Variants in ZHX2 observed in about 807,000 individuals in gnomAD.
ZHX2 encodes zinc fingers and homeoboxes protein 2.
Under a neutral mutation model 21.9 loss-of-function variants are expected in ZHX2, and 6 were observed. That is an observed-to-expected ratio of 0.27 (90% CI 0.15 to 0.54). The LOEUF is 0.54. ZHX2 is among the 20% of genes least tolerant of loss of function. ZHX2 has a pLI of 0.95. For missense variants in ZHX2, 908 were observed against 1,090.7 expected (o/e 0.83, Z 2.36); for synonymous variants, 434 against 437.1 (o/e 0.99, Z 0.09).
At chr8:122,833,870 G>A (rs1454854142) in intron 1 of ZHX2, among the ~76,000 whole-genome samples, 1 of 152,036 alleles carries the variant, frequency 6.6e-6, no homozygotes, top group East Asian at 1.9e-4. Context: ...GGTGGTGGGC[G>A]CCTGTAGTCC....
At chr8:122,829,968 T>C (rs889389289) in intron 1 of ZHX2, among the ~76,000 whole-genome samples, 2 of 152,196 alleles carry the variant, frequency 1.3e-5, no homozygotes, top group African/African-American at 4.8e-5. Flanking sequence ...GGAAGCATGT[T>C]AAGTTTTCAA....
chr8:122,904,088 G>A (rs934138707), intron 2 of ZHX2, among the ~76,000 whole-genome samples: 4 of 152,078 alleles, frequency 2.6e-5, no homozygotes, highest in African/African-American at 9.7e-5. Flanking sequence ...TGTTTGGCTT[G>A]GTTCGTTTTG....
intron 1 of ZHX2, among the ~76,000 whole-genome samples, chr8:122,843,506 T>C (rs1258291838): frequency 1.1e-4 from 16 of 152,232 alleles, no homozygotes; most frequent in African/African-American, 3.9e-4. Flanking sequence ...TAGTGGCCTT[T>C]GGCCCCCACC....
intron 3 of ZHX2, among the ~76,000 whole-genome samples, chr8:122,956,140 C>G (rs79623445): frequency 0.032 from 4,823 of 152,228 alleles, 110 homozygotes; most frequent in Admixed American, 0.072. Flanking sequence ...CCACCACGCC[C>G]GACCTCCCAT....
At chr8:122,786,659 T>C (rs1018920821) in intron 1 of ZHX2, among the ~76,000 whole-genome samples, 2 of 152,104 alleles carry the variant, frequency 1.3e-5, no homozygotes, top group African/African-American at 4.8e-5. Context: ...ATGTGTGGAT[T>C]TCATCATCAA....
At chr8:122,905,848 C>T (rs377557579) in intron 2 of ZHX2, among the ~76,000 whole-genome samples, 6 of 152,158 alleles carry the variant, frequency 3.9e-5, no homozygotes, top group Non-Finnish European at 7.4e-5. Flanking sequence ...GCAAAAACTG[C>T]GATTGCTTTT....
At chr8:122,929,101 A>G (rs1820921883) in intron 2 of ZHX2, among the ~76,000 whole-genome samples, 1 of 152,100 alleles carries the variant, frequency 6.6e-6, no homozygotes, top group African/African-American at 2.4e-5. Flanking sequence ...GAAAACTGAG[A>G]TTTTCTTTTA....
intron 2 of ZHX2, among the ~76,000 whole-genome samples, chr8:122,869,159 C>T (rs898874378): frequency 3.9e-5 from 6 of 152,148 alleles, no homozygotes; most frequent in Non-Finnish European, 7.4e-5. Flanking sequence ...AGCCTGTGCT[C>T]TGCCCTTACC....
chr8:122,885,923 C>A (rs1004125943), intron 2 of ZHX2, among the ~76,000 whole-genome samples: 15 of 152,056 alleles, frequency 9.9e-5, no homozygotes, highest in African/African-American at 3.4e-4. Flanking sequence ...GACCTTTCTT[C>A]CTCTATATGT....
chr8:122,790,738 G>T (rs995208596), intron 1 of ZHX2, among the ~76,000 whole-genome samples: 1 of 152,132 alleles, frequency 6.6e-6, no homozygotes, highest in Admixed American at 6.5e-5. Flanking sequence ...CTCCCGAGTA[G>T]CTGGGACTAC....
rs773623594 is a variant in ZHX2, at chr8:122,951,831, C to T, written c.321C>T (p.Asn107=). The T allele has an allele frequency of 3.7e-6, 6 of 1,614,154 alleles. No homozygotes were observed. Among genetic ancestry groups the T allele is most frequent in the South Asian group, 3.3e-5 (3 of 91,078 alleles). The change falls in exon 3 of 4, where the codon AAC becomes AAT. Residue 107 remains asparagine, a synonymous_variant. Coordinates refer to ENST00000314393, the MANE Select transcript of ZHX2 (RefSeq NM_014943.5). ...VDMQHPNVIL[N]PLYVCAECNF... ...TGCAGCATCCCAACGTGATTCTCAACCCCCTCTACGTGTGTGCAGAATGTA... is the reference window on the plus strand; with the variant it reads ...TGCAGCATCCCAACGTGATTCTCAATCCCCTCTACGTGTGTGCAGAATGTA...
chr8:122,842,261 C>T (rs1818647378), intron 1 of ZHX2, among the ~76,000 whole-genome samples: 1 of 152,212 alleles, frequency 6.6e-6, no homozygotes, highest in African/African-American at 2.4e-5. Context: ...CATTGGTCTT[C>T]AGCACCTTCT....
At chr8:122,797,453 T>G (rs1817634303) in intron 1 of ZHX2, among the ~76,000 whole-genome samples, 1 of 152,238 alleles carries the variant, frequency 6.6e-6, no homozygotes, top group Admixed American at 6.5e-5. Flanking sequence ...TGCCTGTTTC[T>G]GCACAGAGAA....
At chr8:122,929,271 A>G (rs1820926458) in intron 2 of ZHX2, among the ~76,000 whole-genome samples, 1 of 152,196 alleles carries the variant, frequency 6.6e-6, no homozygotes, top group Non-Finnish European at 1.5e-5. Context: ...CCATCAGCCA[A>G]GAAGTAACCC....
rs1014862522 is a variant in ZHX2 at position 122,917,461 on chromosome 8, C to T, written c.-219-33831C>T. ...TCCCTCTCCCCAAACCCTCATCTCT[C>T]CCCACCCCATGTTACTTTCTACCAT... On this transcript the variant is annotated intron_variant, in intron 2 of 3. Transcript: ENST00000314393. Among the ~76,000 whole-genome samples, 3 of 152,166 alleles carry T rather than the reference C, an allele frequency of 2.0e-5. No individual in the cohort carries two copies. In the East Asian group the frequency reaches 5.8e-4, roughly 29 times the overall value.
At chr8:122,917,990 C>T (rs1246271741) in intron 2 of ZHX2, among the ~76,000 whole-genome samples, 1 of 152,152 alleles carries the variant, frequency 6.6e-6, no homozygotes, top group Non-Finnish European at 1.5e-5. Context: ...GAAATGATTC[C>T]ACTCTTTTCT....
chr8:122,863,928 G>T (rs944980824), intron 2 of ZHX2, among the ~76,000 whole-genome samples: 1 of 152,086 alleles, frequency 6.6e-6, no homozygotes, highest in Non-Finnish European at 1.5e-5. Context: ...CCATGGCCCC[G>T]AGGAGACAGT....
chr8:122,896,828 G>A (rs934070610), intron 2 of ZHX2, among the ~76,000 whole-genome samples: 11 of 152,186 alleles, frequency 7.2e-5, no homozygotes, highest in African/African-American at 2.7e-4. Flanking sequence ...CCCTTGCTTG[G>A]TTGTGCTTAA....
intron 1 of ZHX2, among the ~76,000 whole-genome samples, chr8:122,813,062 G>A (rs1191272154): frequency 2.6e-5 from 4 of 152,048 alleles, no homozygotes; most frequent in South Asian, 2.1e-4. Flanking sequence ...CGGACGTGGC[G>A]GCACATGCCT....
Sources: allele counts gnomAD v4.1 joint callset (sites outside exome capture counted in the v4.1 genomes callset), GRCh38; gene constraint gnomAD v4.1.1; transcripts MANE v1.5; gene names NCBI Gene and HGNC (gene_info 2026-07-23, HGNC 2026-07-21).